Variants in KAZN observed in about 807,000 individuals in gnomAD.
KAZN encodes the protein kazrin.
In KAZN, 40 loss-of-function variants were observed where a neutral mutation model predicts 87.4. The ratio of observed to expected loss-of-function variants is 0.46; its 90% CI spans 0.36 to 0.60. The LOEUF (loss-of-function observed/expected upper bound fraction) is 0.60. KAZN is among the 20% of genes least tolerant of loss of function. KAZN has a pLI of 0.00. For missense variants in KAZN, 898 were observed against 1,073.9 expected (o/e 0.84, Z 2.29); for synonymous variants, 466 against 458.3 (o/e 1.02, Z -0.22).
intron 2 of KAZN, among the ~76,000 whole-genome samples, chr1:14,346,782 G>A (rs1450889454): frequency 2.0e-5 from 3 of 152,118 alleles, no homozygotes; most frequent in African/African-American, 7.2e-5. Flanking sequence ...CCTGTGAGGT[G>A]TCTATGGTGG....
chr1:14,414,169 T>C (rs987378682), intron 2 of KAZN, among the ~76,000 whole-genome samples: 1 of 152,178 alleles, frequency 6.6e-6, no homozygotes, highest in African/African-American at 2.4e-5. Context: ...ACCCTGTCCA[T>C]GGAAGAGCAT....
intron 1 of KAZN, among the ~76,000 whole-genome samples, chr1:14,904,796 G>A (rs979086391): frequency 6.6e-6 from 1 of 152,126 alleles, no homozygotes; most frequent in African/African-American, 2.4e-5. Context: ...GAGTCTCGCT[G>A]TGTCACCCAG....
chr1:14,322,169 T>G (rs1656091660), intron 2 of KAZN, among the ~76,000 whole-genome samples: 1 of 152,170 alleles, frequency 6.6e-6, no homozygotes. Context: ...CATGTGCCTG[T>G]ACTCCCAACT....
intron 1 of KAZN, among the ~76,000 whole-genome samples, chr1:14,076,291 G>C (rs1293710438): frequency 1.3e-5 from 2 of 151,990 alleles, no homozygotes; most frequent in Non-Finnish European, 2.9e-5. Context: ...AAAAAAAAAG[G>C]GAAAGGTAGA....
chr1:14,551,391 C>A (rs751471430), intron 2 of KAZN, among the ~76,000 whole-genome samples: 1 of 152,180 alleles, frequency 6.6e-6, no homozygotes, highest in Admixed American at 6.5e-5. Flanking sequence ...CCAAATTAAA[C>A]CCCTGTAGAG....
intron 2 of KAZN, among the ~76,000 whole-genome samples, chr1:14,246,611 C>T (rs539348694): frequency 7.9e-5 from 12 of 152,210 alleles, no homozygotes; most frequent in African/African-American, 2.6e-4. Flanking sequence ...AAGAATGGAA[C>T]ATTTCCAACA....
intron 2 of KAZN, among the ~76,000 whole-genome samples, chr1:15,007,943 T>A (rs1388643720): frequency 6.6e-6 from 1 of 152,172 alleles, no homozygotes; most frequent in Non-Finnish European, 1.5e-5. Flanking sequence ...TCACCCAGCC[T>A]TGGCACAGAG....
intron 1 of KAZN, among the ~76,000 whole-genome samples, chr1:14,085,795 G>A (rs962646729): frequency 6.6e-6 from 1 of 152,116 alleles, no homozygotes; most frequent in Non-Finnish European, 1.5e-5. Context: ...TTAGTGGCTT[G>A]CTTATATGGT....
At chr1:14,973,535 T>G (rs985935751) in intron 2 of KAZN, among the ~76,000 whole-genome samples, 11 of 151,998 alleles carry the variant, frequency 7.2e-5, no homozygotes, top group African/African-American at 2.7e-4. Flanking sequence ...AACATTTGAT[T>G]TTTTTTTAGA....
At chr1:13,955,093 A>C (rs938782281) in intron 1 of KAZN, among the ~76,000 whole-genome samples, 4 of 152,200 alleles carry the variant, frequency 2.6e-5, no homozygotes, top group African/African-American at 9.7e-5. Flanking sequence ...TCATTTTTGC[A>C]TACCTGCACT....
intron 2 of KAZN, among the ~76,000 whole-genome samples, chr1:14,255,368 C>T (rs548277446): frequency 2.9e-4 from 44 of 152,200 alleles, no homozygotes; most frequent in African/African-American, 9.4e-4. Context: ...TGAGATTTGG[C>T]AGGGACATAT....
chr1:14,705,962 A>G (rs1642187203), intron 1 of KAZN, among the ~76,000 whole-genome samples: 1 of 152,182 alleles, frequency 6.6e-6, no homozygotes, highest in Admixed American at 6.5e-5. Flanking sequence ...GGGCAAGTGA[A>G]TGAAACTTCA....
intron 1 of KAZN, among the ~76,000 whole-genome samples, chr1:14,632,772 T>G (rs1054033658): frequency 6.6e-6 from 1 of 152,118 alleles, no homozygotes; most frequent in African/African-American, 2.4e-5. Context: ...TCTGCAGCCC[T>G]AACCTTGGCC....
At chr1:14,303,894 C>G (rs1654738554) in intron 2 of KAZN, among the ~76,000 whole-genome samples, 1 of 152,156 alleles carries the variant, frequency 6.6e-6, no homozygotes, top group Non-Finnish European at 1.5e-5. Context: ...CAATAAACTC[C>G]TCAAATCCTC....
At chr1:13,965,815 T>C (rs1997780) in intron 1 of KAZN, among the ~76,000 whole-genome samples, 35,899 of 152,014 alleles carry the variant, frequency 0.24, 4,587 homozygotes, top group East Asian at 0.38. Flanking sequence ...TGAATTACAT[T>C]GTTTCCATGT....
In KAZN at chr1:14,300,302, G is replaced by A. The variant is rs1018022455; in HGVS notation, c.249+119710G>A. Among the ~76,000 whole-genome samples the A allele has an allele frequency of 5.4e-4, 82 of 152,102 alleles. 2 individuals carry two copies. Among genetic ancestry groups the A allele is most frequent in the Non-Finnish European group, 1.5e-4 (10 of 68,004 alleles). On this transcript the variant is annotated intron_variant, in intron 2 of 16. Transcript: ENST00000636203. Reference sequence around the variant, plus strand: ...TAAGACAGAGTCTTACATAATTACGGCTCACTGCAGCCTTGACCTCCTGGG... The same window carrying A: ...TAAGACAGAGTCTTACATAATTACGACTCACTGCAGCCTTGACCTCCTGGG...
chr1:14,425,290 G>T (rs1665659884), intron 2 of KAZN, among the ~76,000 whole-genome samples: 1 of 152,192 alleles, frequency 6.6e-6, no homozygotes, highest in Non-Finnish European at 1.5e-5. Context: ...TCCTGCCATA[G>T]CTGGGGGCAT....
At chr1:14,574,554 C>G (rs191103388) in intron 2 of KAZN, among the ~76,000 whole-genome samples, 1 of 152,176 alleles carries the variant, frequency 6.6e-6, no homozygotes, top group African/African-American at 2.4e-5. Flanking sequence ...GTAAGACATG[C>G]CTTTCATCTT....
intron 1 of KAZN, among the ~76,000 whole-genome samples, chr1:14,705,643 C>A (rs1003904160): frequency 2.6e-5 from 4 of 152,072 alleles, no homozygotes; most frequent in African/African-American, 9.7e-5. Context: ...ATGGGTGGAA[C>A]TGGAGGACAT....
Sources: allele counts gnomAD v4.1 joint callset (sites outside exome capture counted in the v4.1 genomes callset), GRCh38; gene constraint gnomAD v4.1.1; transcripts MANE v1.5; gene names NCBI Gene and HGNC (gene_info 2026-07-23, HGNC 2026-07-21).